The following PFKFB2 variants were observed in gnomAD, a reference collection of about 807,000 sequenced individuals.
The protein encoded by PFKFB2 is 6-phosphofructo-2-kinase/fructose-2,6-biphosphatase 2, also known as 6-phosphofructo-2-kinase/fructose-2,6-bisphosphatase 2.
A neutral mutation model predicts 68.0 loss-of-function variants in PFKFB2; 53 were observed. The ratio of observed to expected loss-of-function variants is 0.78; its 90% CI spans 0.63 to 0.98. PFKFB2 has a LOEUF of 0.98. Among genes scored for constraint, PFKFB2 ranks in the 50% least tolerant of loss-of-function variants. The pLI, the probability that PFKFB2 is intolerant of heterozygous loss-of-function variation, is 0.00. For synonymous variants in PFKFB2, 222 were observed against 227.6 expected, an observed-to-expected ratio of 0.98 and a Z score of 0.22; for missense variants, 451 against 642.0, an observed-to-expected ratio of 0.70 and a Z score of 3.22.
At chr1:207,065,309 C>A (rs774230215) in intron 8 of PFKFB2, 149 bp downstream of exon 8, 9 of 1,431,918 alleles carry the variant, frequency 6.3e-6, no homozygotes, top group Middle Eastern at 5.3e-4. Flanking sequence ...GGATTTGTGG[C>A]TTTTATGTGG....
At chr1:207,041,713 T>C (rs1319182774) in intron 1 of PFKFB2, among the ~76,000 whole-genome samples, 1 of 152,238 alleles carries the variant, frequency 6.6e-6, no homozygotes, top group Non-Finnish European at 1.5e-5. Flanking sequence ...TGTGTCTTTA[T>C]AGCAGAATGA....
upstream of PFKFB2, chr1:207,049,738 A>G: frequency 1.3e-6 from 2 of 1,594,604 alleles, no homozygotes; most frequent in Non-Finnish European, 1.7e-6. Flanking sequence ...TAAAAATAAA[A>G]CAAATCCCGA....
upstream of PFKFB2, among the ~76,000 whole-genome samples, chr1:207,050,379 C>G (rs1488683742): frequency 6.6e-6 from 1 of 152,086 alleles, no homozygotes; most frequent in Non-Finnish European, 1.5e-5. Context: ...AAAATAGGCC[C>G]TACTTTATAT....
At chr1:207,058,155 C>T (rs138090851) in intron 2 of PFKFB2, among the ~76,000 whole-genome samples, 48 of 152,262 alleles carry the variant, frequency 3.2e-4, no homozygotes, top group East Asian at 2.7e-3. Context: ...AGTGTTTGAC[C>T]GTAGTTATAC....
chr1:207,035,307 G>A (rs993846395), intron 1 of PFKFB2: 13 of 479,676 alleles, frequency 2.7e-5, no homozygotes, highest in Middle Eastern at 1.1e-3. Flanking sequence ...TGCAAGGTGT[G>A]TTAGTCCATT....
chr1:207,037,885 CTT>C (rs1682408513), intron 1 of PFKFB2, among the ~76,000 whole-genome samples: 1 of 152,152 alleles, frequency 6.6e-6, no homozygotes, highest in Non-Finnish European at 1.5e-5. Flanking sequence ...TAGCACATAA[CTT>C]ATAGAGTTAT....
At chr1:207,054,328 A>C (rs930933520) in intron 1 of PFKFB2, among the ~76,000 whole-genome samples, 1 of 152,178 alleles carries the variant, frequency 6.6e-6, no homozygotes, top group African/African-American at 2.4e-5. Flanking sequence ...TAAAACTAGA[A>C]TCTGAGGTCA....
At chr1:207,079,074 T>G, downstream of PFKFB2, 1 of 1,457,252 alleles carries the variant, frequency 6.9e-7, no homozygotes, top group Non-Finnish European at 9.6e-7. Context: ...ACTGAAAAGC[T>G]TGGGATGTCA....
intron 1 of PFKFB2, 86 bp from the exon 2 acceptor site, chr1:207,054,615 C>G (rs878939663): frequency 1.2e-6 from 1 of 850,044 alleles, no homozygotes; most frequent in South Asian, 1.6e-5. Context: ...TTTACTTATA[C>G]CACACGGATC....
At position 207,061,097 on chromosome 1, in the gene PFKFB2, C is replaced by CTTTATATATA. The variant is rs1558059487; in HGVS notation, c.86-854_86-845dup. On this transcript the variant is annotated intron_variant, in intron 2 of 14. Transcript: ENST00000367080. Reference sequence around the variant, plus strand: ...TATCTTTATATATCTTTATATATATCTTTATATATATCTATATATCTTTAT... The same window carrying CTTTATATATA: ...TATCTTTATATATCTTTATATATATCTTTATATATATTTATATATATCTATATATCTTTAT... 8.7e-3 allele frequency among the ~76,000 whole-genome samples: 605 copies of CTTTATATATA among 69,870 alleles called. 71 individuals carry two copies. The highest frequency in any genetic ancestry group is 0.034 in the African/African-American group (563 of 16,320). 45.8% of individuals were successfully genotyped at this position (69,870 alleles called of 152,430 possible).
intron 1 of PFKFB2, among the ~76,000 whole-genome samples, chr1:207,041,407 C>T (rs1410886638): frequency 6.6e-6 from 1 of 152,034 alleles, no homozygotes; most frequent in Non-Finnish European, 1.5e-5. Context: ...CTGACAGGCC[C>T]CAATGTGTGA....
chr1:207,072,183 T>C (rs1457362015), intron 14 of PFKFB2, 21 bp from the exon 15 acceptor site: 2 of 1,610,710 alleles, frequency 1.2e-6, no homozygotes, highest in South Asian at 1.1e-5. Context: ...ATTTGTGTGG[T>C]GTCACTCCAT....
At chr1:207,051,875 G>A (rs930489808), upstream of PFKFB2, among the ~76,000 whole-genome samples, 6 of 152,322 alleles carry the variant, frequency 3.9e-5, no homozygotes, top group Admixed American at 6.5e-5. Context: ...AACAAATACT[G>A]GCTGAATGAA....
chr1:207,050,879 C>T, upstream of PFKFB2: 1 of 1,608,166 alleles, frequency 6.2e-7, no homozygotes, highest in South Asian at 1.1e-5. Flanking sequence ...CTTGGCCTTG[C>T]AGCGGAGCCG....
In PFKFB2 at chr1:207,068,265, G is replaced by A. The variant is rs1193398341; in HGVS notation, c.943G>A (p.Gly315Arg). The change falls in exon 10 of 15, where the codon GGG (glycine) becomes AGG (arginine). Residue 315 changes from glycine to arginine, a missense_variant. Gly to Arg is a moderately radical substitution (Grantham distance 125). Transcript: ENST00000367080. Reference protein sequence around the residue: ...KRTIQTAESLGVPYEQWKILN... With the variant: ...KRTIQTAESLRVPYEQWKILN... ...GACCATACAGACTGCTGAATCTCTC[G>A]GGGTGCCCTATGAGCAGTGGAAGAT... The A allele has an allele frequency of 5.0e-6, 8 of 1,610,582 alleles. No individual in the cohort carries two copies. Among genetic ancestry groups the A allele is most frequent in the Admixed American group, 3.4e-5 (2 of 59,546 alleles).
Position 207,063,631 on chromosome 1 carries a change from A to G in PFKFB2, c.451-142A>G. On this transcript the variant is annotated intron_variant, in intron 6 of 14. Transcript: ENST00000367080. The surrounding 1 kb of genome is among the most constrained non-coding windows in gnomAD (Gnocchi z 4.1). ...TTTGAGGCCCAGGGGCTGTGGTAAG[A>G]GCTATGAGGAGGACTTGAGGGCCAC... 1.3e-6 allele frequency: 1 copy of G among 799,686 alleles called. No individual in the cohort carries two copies. Among genetic ancestry groups the G allele is most frequent in the Non-Finnish European group, 2.2e-6 (1 of 451,038 alleles). 49.5% of individuals were successfully genotyped at this position (799,686 alleles called of 1,614,324 possible).
At chr1:207,079,367 T>A (rs1158610139), downstream of PFKFB2, 1 of 312,776 alleles carries the variant, frequency 3.2e-6, no homozygotes, top group East Asian at 7.4e-5. Context: ...GGCTCTTTTT[T>A]GCCCAAAGTG....
intron 2 of PFKFB2, among the ~76,000 whole-genome samples, chr1:207,057,731 G>A (rs1388901089): frequency 6.6e-6 from 1 of 152,012 alleles, no homozygotes; most frequent in Non-Finnish European, 1.5e-5. Context: ...ATAAAGGTAG[G>A]TTCATATTGT....
Position 207,072,978 on chromosome 1 carries a change from G to T in PFKFB2, c.*607G>T, listed in dbSNP as rs145022644. On this transcript the variant is annotated 3_prime_UTR_variant, in exon 15 of 15. Coordinates refer to ENST00000367080, the MANE Select transcript of PFKFB2 (RefSeq NM_006212.2). Reference sequence around the variant, plus strand: ...GGCCCAGTTAATGCTTTCTGCAGTGGGTCTAAATGGATCTGGACTGGAGGA... The same window carrying T: ...GGCCCAGTTAATGCTTTCTGCAGTGTGTCTAAATGGATCTGGACTGGAGGA... 2,009 of 985,512 alleles carry T rather than the reference G, an allele frequency of 2.0e-3. 3 individuals carry two copies. Among genetic ancestry groups the T allele is most frequent in the Admixed American group, 3.1e-3 (50 of 16,278 alleles). 61.0% of individuals were successfully genotyped at this position (985,512 alleles called of 1,614,324 possible). A position where few individuals can be genotyped will look rare whatever the true frequency, so the allele number is the denominator to read the frequency against.
Sources: gnomAD v4.1 joint callset for allele counts (sites outside exome capture counted in the v4.1 genomes callset) on GRCh38, gnomAD v4.1.1 for gene constraint, Gnocchi (gnomAD v3.1) non-coding constraint, MANE v1.5 for transcripts, NCBI Gene and HGNC (gene_info 2026-07-23, HGNC 2026-07-21) for gene names.